The following INSR variants were observed in gnomAD, a reference collection of about 807,000 sequenced individuals.
INSR encodes IR.
In INSR, 67 loss-of-function variants were observed where a neutral mutation model predicts 142.6. The ratio of observed to expected loss-of-function variants is 0.47; its 90% CI spans 0.39 to 0.58. The LOEUF (loss-of-function observed/expected upper bound fraction) is 0.58, where lower values mean the gene tolerates loss of function less well. INSR is among the 20% of genes least tolerant of loss of function. The pLI, the probability that INSR is intolerant of heterozygous loss-of-function variation, is 0.00. For synonymous variants in INSR, 756 were observed against 743.1 expected (o/e 1.02, Z -0.28); for missense variants, 1,248 against 1,833.2 (o/e 0.68, Z 5.83).
chr19:7,237,244 C>T (rs1231102701), intron 2 of INSR, among the ~76,000 whole-genome samples: 3 of 152,032 alleles, frequency 2.0e-5, no homozygotes, highest in South Asian at 2.1e-4. Flanking sequence ...ACAGGCCAGA[C>T]GCGGTGGCTC....
At chr19:7,272,549 C>T (rs191080557) in intron 1 of INSR, among the ~76,000 whole-genome samples, 32 of 151,872 alleles carry the variant, frequency 2.1e-4, no homozygotes, top group African/African-American at 7.0e-4. Context: ...ACCTAGGAGG[C>T]GGACGTTGCA....
intron 1 of INSR, among the ~76,000 whole-genome samples, chr19:7,275,568 A>G (rs1306887637): frequency 6.6e-6 from 1 of 152,016 alleles, no homozygotes; most frequent in African/African-American, 2.4e-5. Context: ...GGATGACCCA[A>G]GGTCAGGAGT....
intron 13 of INSR, among the ~76,000 whole-genome samples, chr19:7,139,383 A>G (rs1973014038): frequency 6.6e-6 from 1 of 152,232 alleles, no homozygotes; most frequent in Non-Finnish European, 1.5e-5. Context: ...AGTATTACCT[A>G]ACATGGTAAA....
At chr19:7,286,847 T>C (rs902176391) in intron 1 of INSR, among the ~76,000 whole-genome samples, 1 of 151,608 alleles carries the variant, frequency 6.6e-6, no homozygotes, top group African/African-American at 2.4e-5. Context: ...CCAAGAAGTA[T>C]TCTTTTTTTG....
At chr19:7,231,827 T>C (rs891608961) in intron 2 of INSR, among the ~76,000 whole-genome samples, 1 of 151,348 alleles carries the variant, frequency 6.6e-6, no homozygotes, top group African/African-American at 2.4e-5. Flanking sequence ...GCCCAGGCTA[T>C]TCTTGAACTC....
chr19:7,153,118 A>C (rs1973444829), intron 9 of INSR, among the ~76,000 whole-genome samples, 191 bp from the exon 10 acceptor site: 1 of 126,548 alleles, frequency 7.9e-6, no homozygotes, highest in African/African-American at 3.2e-5. Flanking sequence ...ACACACAACC[A>C]CACACACACA....
chr19:7,191,342 AGAAAGGAG>A lies in INSR; in HGVS notation c.653-6713_653-6706del, dbSNP rs760679245. ...GAAAGAAAAAGAAAGAAAGAAAGAAAGAAAGGAGGGAGGGAGGGAGGGAAGGAGGGAAA... is the reference window on the plus strand; with the variant it reads ...GAAAGAAAAAGAAAGAAAGAAAGAAAGGAGGGAGGGAGGGAAGGAGGGAAA... On this transcript the variant is annotated intron_variant, in intron 2 of 21. Coordinates refer to ENST00000302850, the MANE Select transcript of INSR (RefSeq NM_000208.4). 9.9e-4 allele frequency among the ~76,000 whole-genome samples: 128 copies of A among 129,900 alleles called. 2 individuals are homozygous for A. The highest frequency in any genetic ancestry group is 3.7e-3 in the Middle Eastern group (1 of 270). The allele number at this position is 129,900 out of a possible 152,430, so 85.2% of individuals were successfully genotyped here.
At chr19:7,158,196 G>A (rs989169523) in intron 9 of INSR, among the ~76,000 whole-genome samples, 1 of 151,706 alleles carries the variant, frequency 6.6e-6, no homozygotes, top group African/African-American at 2.4e-5. Flanking sequence ...GTTTTCCTGA[G>A]ATTAGAAAAA....
rs557404306 is a variant in INSR, at chr19:7,170,004, G to A, written c.1483+533C>T. 1.6e-4 allele frequency among the ~76,000 whole-genome samples: 25 copies of A among 152,248 alleles called. No individual in the cohort carries two copies. The South Asian group carries it at 5.2e-3, about 32-fold the overall frequency. The stretch of plus-strand genomic sequence containing the variant: ...CTGGTTTGTGGACCACTTACAGCAG[G>A]GGTCCCCAGCCCCTGGGCCACAGAC... On this transcript the variant is annotated intron_variant, in intron 6 of 21. Coordinates refer to ENST00000302850, the MANE Select transcript of INSR (RefSeq NM_000208.4).
chr19:7,188,551 A>G (rs1974492055), intron 2 of INSR, among the ~76,000 whole-genome samples: 1 of 147,662 alleles, frequency 6.8e-6, no homozygotes, highest in South Asian at 2.1e-4. Context: ...CTCCGTCCAA[A>G]AAAAAAAAAA....
intron 14 of INSR, among the ~76,000 whole-genome samples, chr19:7,129,722 A>T (rs1374002846): frequency 6.6e-6 from 1 of 152,056 alleles, no homozygotes; most frequent in African/African-American, 2.4e-5. Context: ...ATGACTTTTG[A>T]CAGATGTAAA....
Position 7,196,154 on chromosome 19 carries a change from C to G in INSR, c.653-11517G>C, listed in dbSNP as rs529405089. On this transcript the variant is annotated intron_variant, in intron 2 of 21. Transcript: ENST00000302850. The stretch of plus-strand genomic sequence containing the variant: ...TTCTCCAAGTTGGTCAGGCTGGTCT[C>G]GAACTCCTGACCTCAGGTGATCCGC... Among the ~76,000 whole-genome samples, 4 of 152,018 alleles carry G rather than the reference C, an allele frequency of 2.6e-5. No individual in the cohort carries two copies. The East Asian group carries it at 5.8e-4, about 22-fold the overall frequency.
intron 1 of INSR, among the ~76,000 whole-genome samples, chr19:7,293,457 C>G (rs1057120241): frequency 7.2e-5 from 11 of 152,192 alleles, no homozygotes; most frequent in African/African-American, 2.4e-4. Flanking sequence ...AAAGATGACG[C>G]GTGTCGTGTC....
At chr19:7,149,446 C>T (rs1973267416) in intron 11 of INSR, among the ~76,000 whole-genome samples, 1 of 152,190 alleles carries the variant, frequency 6.6e-6, no homozygotes, top group African/African-American at 2.4e-5. Flanking sequence ...GTAAACATCT[C>T]CTTGCCTTTC....
intron 2 of INSR, among the ~76,000 whole-genome samples, chr19:7,248,765 T>TTTTTC: frequency 7.3e-6 from 1 of 136,768 alleles, no homozygotes. Flanking sequence ...TTTTTTTTTT[T>TTTTTC]TTTTTTTTTT....
intron 2 of INSR, 117 bp from the exon 3 acceptor site, chr19:7,184,754 C>G (rs1382655831): frequency 2.7e-6 from 2 of 750,868 alleles, no homozygotes; most frequent in Admixed American, 3.7e-5. Context: ...CTGGATCAGA[C>G]AGTGAAAGCC....
chr19:7,193,046 A>G (rs1424411919), intron 2 of INSR, among the ~76,000 whole-genome samples: 3 of 152,104 alleles, frequency 2.0e-5, no homozygotes, highest in Non-Finnish European at 2.9e-5. Context: ...TGCTTCAGGG[A>G]GGCAGTTCAA....
rs1973949033 is a variant in INSR at position 7,168,920 on chromosome 19, A to G, written c.1484-826T>C. Among the ~76,000 whole-genome samples, 1 of 152,050 alleles carries G rather than the reference A, an allele frequency of 6.6e-6. No homozygotes were observed. Among genetic ancestry groups the G allele is most frequent in the Non-Finnish European group, 1.5e-5 (1 of 68,012 alleles). ...TGCCCAGCCCTTGCACTACATTTTG[A>G]CATAAGTAACTAACTCCCCATGAAG... On this transcript the variant is annotated intron_variant, in intron 6 of 21. Transcript: ENST00000302850. This position sits in a 1 kb window ranked among gnomAD's most constrained non-coding sequence, Gnocchi z 4.3.
At chr19:7,143,269 T>C (rs1429307779) in intron 11 of INSR, among the ~76,000 whole-genome samples, 179 bp from the exon 12 acceptor site, 2 of 152,210 alleles carry the variant, frequency 1.3e-5, no homozygotes, top group Non-Finnish European at 2.9e-5. Flanking sequence ...CAGCTTTCAA[T>C]ATACCCTTGT....
Sources: allele counts gnomAD v4.1 joint callset (sites outside exome capture counted in the v4.1 genomes callset), GRCh38; gene constraint gnomAD v4.1.1; non-coding constraint Gnocchi (gnomAD v3.1); transcripts MANE v1.5; gene names NCBI Gene and HGNC (gene_info 2026-07-23, HGNC 2026-07-21).